The following MSH3 variants were observed in gnomAD, a reference collection of about 807,000 sequenced individuals.
MSH3 encodes mutS homolog 3.
A neutral mutation model predicts 123.3 loss-of-function variants in MSH3; 106 were observed. That is an observed-to-expected ratio of 0.86 (90% CI 0.73 to 1.01). The LOEUF is 1.01. MSH3 is among the 50% of genes least tolerant of loss of function. The pLI is 0.00. For synonymous variants in MSH3, 515 were observed against 481.4 expected, an observed-to-expected ratio of 1.07 and a Z score of -0.91; for missense variants, 1,459 against 1,347.6, an observed-to-expected ratio of 1.08 and a Z score of -1.29.
intron 8 of MSH3, among the ~76,000 whole-genome samples, chr5:80,692,231 T>G (rs1361619620): frequency 1.3e-4 from 12 of 90,110 alleles, no homozygotes; most frequent in East Asian, 3.2e-4. Context: ...TTTAGATAGA[T>G]AAACATGTAT....
chr5:80,824,627 G>A (rs1030135750), intron 20 of MSH3, among the ~76,000 whole-genome samples: 1 of 152,194 alleles, frequency 6.6e-6, no homozygotes, highest in African/African-American at 2.4e-5. Context: ...AATGTAACAG[G>A]TGTACTAGGG....
chr5:80,701,225 A>C (rs1041899500), intron 8 of MSH3, among the ~76,000 whole-genome samples: 26 of 152,178 alleles, frequency 1.7e-4, no homozygotes, highest in Admixed American at 1.6e-3. Context: ...ATGGAAAGGA[A>C]GAAAAAGGAA....
chr5:80,714,033 A>G (rs1208139734), intron 8 of MSH3, among the ~76,000 whole-genome samples: 2 of 151,856 alleles, frequency 1.3e-5, no homozygotes, highest in Non-Finnish European at 2.9e-5. Flanking sequence ...ACAGAGAGGC[A>G]TGTTACATAT....
At chr5:80,725,214 CAAAAA>C (rs33919693) in intron 8 of MSH3, among the ~76,000 whole-genome samples, 1 of 99,052 alleles carries the variant, frequency 1.0e-5, no homozygotes, top group African/African-American at 3.8e-5. Context: ...GACTCCATCT[CAAAAA>C]AAAAAAAAAA....
Position 80,654,702 on chromosome 5 carries a change from C to A in MSH3, c.-26C>A, listed in dbSNP as rs1383442816. 1 of 1,578,894 alleles carries A rather than the reference C, an allele frequency of 6.3e-7. No individual in the cohort carries two copies. The highest frequency in any genetic ancestry group is 1.7e-5 in the Admixed American group (1 of 57,512). ...GCTCGCGCTCCTCGCCAGGCCCTGC[C>A]GCCGGGCTGCCATCCTTGCCCTGCC... On this transcript the variant is annotated 5_prime_UTR_variant, in exon 1 of 24. Coordinates refer to ENST00000265081, the MANE Select transcript of MSH3 (RefSeq NM_002439.5).
At chr5:80,854,107 A>T in intron 20 of MSH3, 23 bp from the exon 21 acceptor site, 1 of 1,588,160 alleles carries the variant, frequency 6.3e-7, no homozygotes, top group Non-Finnish European at 8.6e-7. Context: ...AGGAAAATCA[A>T]GGTGTTTTCA....
chr5:80,818,257 C>A (rs376536195), intron 20 of MSH3, among the ~76,000 whole-genome samples: 2 of 151,858 alleles, frequency 1.3e-5, no homozygotes, highest in South Asian at 4.2e-4. Flanking sequence ...ACCTCTAGAT[C>A]TAGATACCAA....
intron 17 of MSH3, among the ~76,000 whole-genome samples, chr5:80,781,539 C>T (rs919520051): frequency 6.6e-6 from 1 of 150,770 alleles, no homozygotes; most frequent in Non-Finnish European, 1.5e-5. Context: ...ACAATCATGA[C>T]TCATTGCAAT....
intron 8 of MSH3, among the ~76,000 whole-genome samples, chr5:80,685,440 C>T (rs991437425): frequency 8.6e-5 from 13 of 151,738 alleles, no homozygotes; most frequent in Admixed American, 2.6e-4. Context: ...TCTAGATTTT[C>T]GGATTTATTG....
At chr5:80,699,576 A>G (rs929667554) in intron 8 of MSH3, among the ~76,000 whole-genome samples, 2 of 151,798 alleles carry the variant, frequency 1.3e-5, no homozygotes, top group African/African-American at 4.8e-5. Context: ...AAAAAAAAAA[A>G]AAAAAGGTTG....
chr5:80,665,887 A>G (rs905783639), intron 3 of MSH3, among the ~76,000 whole-genome samples: 15 of 152,200 alleles, frequency 9.9e-5, no homozygotes, highest in African/African-American at 3.6e-4. Flanking sequence ...CTCATGCTCC[A>G]TCATTGAAAT....
intron 10 of MSH3, among the ~76,000 whole-genome samples, chr5:80,735,728 G>A (rs901046421): frequency 1.3e-5 from 2 of 151,986 alleles, no homozygotes; most frequent in Admixed American, 6.6e-5. Flanking sequence ...AGAGCGAGAT[G>A]TATGAAGTTA....
intron 8 of MSH3, 88 bp from the exon 9 acceptor site, chr5:80,725,365 T>C: frequency 1.2e-6 from 1 of 847,930 alleles, no homozygotes; most frequent in Non-Finnish European, 2.0e-6. Context: ...TCTTTATCTT[T>C]TTTTTTTCCT....
rs118077700 is a variant in MSH3 at position 80,847,004 on chromosome 5, G to A, written c.2814-7126G>A. 5.9e-3 allele frequency among the ~76,000 whole-genome samples: 900 copies of A among 152,140 alleles called. 8 individuals carry two copies. The highest frequency in any genetic ancestry group is 0.048 in the South Asian group (228 of 4,778). Reference sequence around the variant, plus strand: ...ATCACATATCTTCTGCATCCATCTCGGTGGGAGCTACAGACTGGAGCTGTT... The same window carrying A: ...ATCACATATCTTCTGCATCCATCTCAGTGGGAGCTACAGACTGGAGCTGTT... On this transcript the variant is annotated intron_variant, in intron 20 of 23. Coordinates refer to ENST00000265081, the MANE Select transcript of MSH3 (RefSeq NM_002439.5).
At chr5:80,780,145 G>A (rs181670744) in intron 17 of MSH3, among the ~76,000 whole-genome samples, 85 of 152,256 alleles carry the variant, frequency 5.6e-4, no homozygotes, top group Middle Eastern at 3.4e-3. Flanking sequence ...TTAAGTCATG[G>A]CATGCTGGCC....
At chr5:80,723,237 G>A (rs1277823716) in intron 8 of MSH3, among the ~76,000 whole-genome samples, 1 of 152,114 alleles carries the variant, frequency 6.6e-6, no homozygotes, top group African/African-American at 2.4e-5. Flanking sequence ...GAAGAGCAAG[G>A]TAGGGACCTT....
At chr5:80,791,083 T>A (rs2112024665) in intron 18 of MSH3, among the ~76,000 whole-genome samples, 1 of 152,312 alleles carries the variant, frequency 6.6e-6, no homozygotes, top group Admixed American at 6.5e-5. Flanking sequence ...ACTGTCCTGT[T>A]TTGCTGAAAG....
chr5:80,840,172 A>C (rs1282868152), intron 20 of MSH3, among the ~76,000 whole-genome samples: 1 of 152,154 alleles, frequency 6.6e-6, no homozygotes, highest in Non-Finnish European at 1.5e-5. Flanking sequence ...TTCATAGGCT[A>C]GTTTAAAAAT....
chr5:80,668,120 C>T (rs1484061733), intron 3 of MSH3, among the ~76,000 whole-genome samples: 1 of 152,130 alleles, frequency 6.6e-6, no homozygotes, highest in African/African-American at 2.4e-5. Flanking sequence ...GAGCCTTCAG[C>T]CGAGAGGGGA....
Sources: gnomAD v4.1 joint callset for allele counts (sites outside exome capture counted in the v4.1 genomes callset) on GRCh38, gnomAD v4.1.1 for gene constraint, MANE v1.5 for transcripts, NCBI Gene and HGNC (gene_info 2026-07-23, HGNC 2026-07-21) for gene names.